MOSMO: variants seen among roughly 807,000 people sequenced by gnomAD.
MOSMO encodes modulator of smoothened, also known as modulator of smoothened protein.
MOSMO carries 5 observed loss-of-function variants against 18.4 expected under a neutral mutation model. The ratio of observed to expected loss-of-function variants is 0.27; its 90% CI spans 0.14 to 0.57. The LOEUF (loss-of-function observed/expected upper bound fraction) is 0.57, where lower values mean the gene tolerates loss of function less well. Among genes scored for constraint, MOSMO ranks in the 20% least tolerant of loss-of-function variants. MOSMO has a pLI of 0.92. For missense variants in MOSMO, 138 were observed against 211.8 expected (o/e 0.65, Z 2.16); for synonymous variants, 82 against 82.3 (o/e 1.00, Z 0.02).
chr16:22,043,769 G>A (rs766475726), intron 1 of MOSMO, among the ~76,000 whole-genome samples: 3 of 152,104 alleles, frequency 2.0e-5, no homozygotes, highest in Non-Finnish European at 2.9e-5. Flanking sequence ...ATTTATAATC[G>A]TAGAGACTTG....
At chr16:22,087,669 A>G (rs1331135262), downstream of MOSMO, 1 of 152,164 alleles carries the variant, frequency 6.6e-6, no homozygotes, top group East Asian at 1.9e-4. Flanking sequence ...CATCTTCTAA[A>G]TGTTTTACTA....
intron 1 of MOSMO, among the ~76,000 whole-genome samples, chr16:22,051,202 C>T (rs553096847): frequency 3.3e-5 from 5 of 152,006 alleles, no homozygotes; most frequent in Non-Finnish European, 7.4e-5. Context: ...AGCCTGGCAA[C>T]ATGTTGAAAC....
At chr16:22,056,902 A>G (rs1353455374) in intron 1 of MOSMO, among the ~76,000 whole-genome samples, 1 of 152,206 alleles carries the variant, frequency 6.6e-6, no homozygotes, top group East Asian at 1.9e-4. Flanking sequence ...GAACATTATC[A>G]GGATTCATAA....
intron 1 of MOSMO, among the ~76,000 whole-genome samples, chr16:22,064,982 T>C (rs1900721608): frequency 6.6e-6 from 1 of 152,226 alleles, no homozygotes. Context: ...AGAGCTTCAA[T>C]AATTGGCAGA....
At chr16:22,027,688 T>G (rs1899903785) in intron 1 of MOSMO, among the ~76,000 whole-genome samples, 1 of 152,186 alleles carries the variant, frequency 6.6e-6, no homozygotes. Flanking sequence ...TGAAGTAGAA[T>G]TTAGGACAAA....
chr16:22,072,653 T>TA (rs1306895256), intron 1 of MOSMO, among the ~76,000 whole-genome samples: 1 of 151,860 alleles, frequency 6.6e-6, no homozygotes, highest in Admixed American at 6.5e-5. Context: ...CTACTAAAAA[T>TA]ACAAAAAAAT....
chr16:22,034,871 C>G (rs750117288), intron 1 of MOSMO, among the ~76,000 whole-genome samples: 1 of 147,840 alleles, frequency 6.8e-6, no homozygotes, highest in Non-Finnish European at 1.5e-5. Context: ...GCTGAGACTA[C>G]AGGCATGCGC....
At chr16:22,091,940 C>T (rs1901341083), downstream of MOSMO, among the ~76,000 whole-genome samples, 1 of 152,208 alleles carries the variant, frequency 6.6e-6, no homozygotes, top group African/African-American at 2.4e-5. Flanking sequence ...TAAAAAGTCA[C>T]ATTCCCACAC....
intron 1 of MOSMO, among the ~76,000 whole-genome samples, chr16:22,039,407 G>T (rs752075654): frequency 6.6e-6 from 1 of 152,174 alleles, no homozygotes; most frequent in East Asian, 1.9e-4. Flanking sequence ...CAAGCTCTAC[G>T]CCTGATACAG....
intron 1 of MOSMO, among the ~76,000 whole-genome samples, chr16:22,023,837 ACT>A (rs1347747366): frequency 6.7e-6 from 1 of 150,330 alleles, no homozygotes; most frequent in Non-Finnish European, 1.5e-5. Flanking sequence ...AATGAAGAAG[ACT>A]CTTGTCTTTT....
chr16:22,075,764 G>A, intron 2 of MOSMO, 65 bp downstream of exon 2: 1 of 1,190,944 alleles, frequency 8.4e-7, no homozygotes. Context: ...TTTTTATGAA[G>A]ATAATCAAGA....
At chr16:22,085,441 T>C (rs1015575659), downstream of MOSMO, among the ~76,000 whole-genome samples, 11 of 151,948 alleles carry the variant, frequency 7.2e-5, no homozygotes, top group Non-Finnish European at 1.5e-4. Context: ...AGATTAGAGG[T>C]TTTTGGGGGG....
At position 22,082,200 on chromosome 16, in the gene MOSMO, T is replaced by C. The variant is rs1174434389; in HGVS notation, c.*1320T>C. 1.3e-5 allele frequency: 2 copies of C among 152,222 alleles called. No homozygotes were observed. Among genetic ancestry groups the C allele is most frequent in the African/African-American group, 4.8e-5 (2 of 41,470 alleles). 9.4% of individuals were successfully genotyped at this position (152,222 alleles called of 1,614,324 possible). On this transcript the variant is annotated 3_prime_UTR_variant, in exon 3 of 3. Transcript: ENST00000542527. ...CTTTACCAAAACCTGAGCAATACAA[T>C]ATTTTCTTTATATGTTATATGCCTT... is the stretch of plus-strand genomic sequence containing the variant.
chr16:22,059,944 A>G (rs1467171150), intron 1 of MOSMO, among the ~76,000 whole-genome samples: 1 of 152,178 alleles, frequency 6.6e-6, no homozygotes, highest in Non-Finnish European at 1.5e-5. Flanking sequence ...TGGGAGGCTG[A>G]GGCAGGTGGA....
intron 1 of MOSMO, among the ~76,000 whole-genome samples, chr16:22,039,861 T>C (rs1259248490): frequency 6.6e-6 from 1 of 152,230 alleles, no homozygotes; most frequent in Admixed American, 6.5e-5. Flanking sequence ...TGATTTTTCT[T>C]ATGGCATTTA....
At chr16:22,029,094 A>G (rs977956185) in intron 1 of MOSMO, among the ~76,000 whole-genome samples, 2 of 151,480 alleles carry the variant, frequency 1.3e-5, no homozygotes, top group African/African-American at 4.9e-5. Flanking sequence ...CTGGTCTCGA[A>G]CTCCTGACCT....
chr16:22,051,627 C>A lies in MOSMO; in HGVS notation c.107-23860C>A, dbSNP rs143182480. On this transcript the variant is annotated intron_variant, in intron 1 of 2. Coordinates refer to ENST00000542527, the MANE Select transcript of MOSMO (RefSeq NM_001164579.2). Reference sequence around the variant, plus strand: ...TCTTCATCTATATCCTTTGTAGTATCCTTTATATTAATAATAAATCAATAA... The same window carrying A: ...TCTTCATCTATATCCTTTGTAGTATACTTTATATTAATAATAAATCAATAA... 1.6e-3 allele frequency among the ~76,000 whole-genome samples: 241 copies of A among 152,248 alleles called. 2 individuals are homozygous for A. Among genetic ancestry groups the A allele is most frequent in the African/African-American group, 5.6e-3 (233 of 41,570 alleles).
chr16:22,080,026 C>T lies in MOSMO; in HGVS notation c.320-670C>T, dbSNP rs149975367. On this transcript the variant is annotated intron_variant, in intron 2 of 2. Transcript: ENST00000542527. ...CTCAAACTCATGACCTCAGGTTATC[C>T]GCCCGCCTCGGCCCCCCAAAGTGCT... Among the ~76,000 whole-genome samples the T allele has an allele frequency of 3.3e-3, 506 of 152,212 alleles. 2 individuals are homozygous for T. Among genetic ancestry groups the T allele is most frequent in the Middle Eastern group, 0.017 (5 of 294 alleles).
intron 1 of MOSMO, among the ~76,000 whole-genome samples, chr16:22,053,443 A>G (rs1900468459): frequency 6.6e-6 from 1 of 152,180 alleles, no homozygotes; most frequent in African/African-American, 2.4e-5. Flanking sequence ...TTAAAAAATA[A>G]TACACAGACA....
Sources: allele counts gnomAD v4.1 joint callset (sites outside exome capture counted in the v4.1 genomes callset), GRCh38; gene constraint gnomAD v4.1.1; transcripts MANE v1.5; gene names NCBI Gene and HGNC (gene_info 2026-07-23, HGNC 2026-07-21).